The following PIP4K2A variants were observed in gnomAD, a reference collection of about 807,000 sequenced individuals.
PIP4K2A encodes the protein phosphatidylinositol-5-phosphate 4-kinase type 2 alpha.
In PIP4K2A, 14 loss-of-function variants were observed where a neutral mutation model predicts 42.9. The observed-to-expected ratio is 0.33, with a 90% confidence interval of 0.22 to 0.51. PIP4K2A has a LOEUF of 0.51. Among genes scored for constraint, PIP4K2A ranks in the 20% least tolerant of loss-of-function variants. The probability of loss-of-function intolerance (pLI) is 0.97; values close to 1 mark genes in which losing one functional copy is unlikely to be tolerated. For synonymous variants in PIP4K2A, 192 were observed against 192.2 expected, an observed-to-expected ratio of 1.00 and a Z score of 0.01; for missense variants, 434 against 519.8, an observed-to-expected ratio of 0.83 and a Z score of 1.61.
intron 4 of PIP4K2A, among the ~76,000 whole-genome samples, chr10:22,581,691 A>G (rs1224623908): frequency 6.6e-6 from 1 of 152,078 alleles, no homozygotes; most frequent in African/African-American, 2.4e-5. Context: ...ACCACATAAT[A>G]GCTTCCGTTA....
At chr10:22,577,159 G>A (rs550204510) in intron 4 of PIP4K2A, among the ~76,000 whole-genome samples, 1 of 151,574 alleles carries the variant, frequency 6.6e-6, no homozygotes, top group Admixed American at 6.6e-5. Flanking sequence ...CTGGTACCAT[G>A]AGCGGTGCTG....
intron 1 of PIP4K2A, among the ~76,000 whole-genome samples, chr10:22,652,627 G>A (rs1216123371): frequency 6.6e-6 from 1 of 152,104 alleles, no homozygotes; most frequent in Non-Finnish European, 1.5e-5. Context: ...TTTAAAATAC[G>A]CAAATGTGTA....
At chr10:22,664,613 A>G (rs1014871513) in intron 1 of PIP4K2A, among the ~76,000 whole-genome samples, 6 of 151,868 alleles carry the variant, frequency 4.0e-5, no homozygotes, top group Non-Finnish European at 2.9e-5. Flanking sequence ...TTTGTTTTCT[A>G]TTTGGTATAT....
intron 1 of PIP4K2A, among the ~76,000 whole-genome samples, chr10:22,710,063 CAAAAA>C (rs34126375): frequency 1.6e-5 from 2 of 124,688 alleles, no homozygotes; most frequent in African/African-American, 2.9e-5. Context: ...ACCCATGAAC[CAAAAA>C]AAAAAAAAAA....
At chr10:22,700,560 C>G (rs1264157202) in intron 1 of PIP4K2A, among the ~76,000 whole-genome samples, 5 of 152,168 alleles carry the variant, frequency 3.3e-5, no homozygotes, top group Non-Finnish European at 7.3e-5. Context: ...AGAAAATGAG[C>G]CTCCTCTGTG....
rs1377273077 is a variant in PIP4K2A, at chr10:22,694,980, A to G, written c.144+19203T>C. ...AATCACCAGTTAGAAAGCACAGTCA[A>G]CAATGCACTTCACCCATTTGGATCC... On this transcript the variant is annotated intron_variant, in intron 1 of 9. Coordinates refer to ENST00000376573, the MANE Select transcript of PIP4K2A (RefSeq NM_005028.5). Among the ~76,000 whole-genome samples the G allele has an allele frequency of 3.3e-5, 5 of 152,342 alleles. No individual in the cohort carries two copies. In the East Asian group the frequency reaches 9.6e-4, roughly 29 times the overall value.
At chr10:22,678,508 T>TAAA (rs1263547767) in intron 1 of PIP4K2A, among the ~76,000 whole-genome samples, 1 of 151,816 alleles carries the variant, frequency 6.6e-6, no homozygotes, top group African/African-American at 2.4e-5. Flanking sequence ...TTGAAGACAG[T>TAAA]AAAAAATAAA....
chr10:22,567,945 G>A lies in PIP4K2A; in HGVS notation c.640-56C>T, dbSNP rs192261033. ...GCATGGGAGGCATTGGGTTTCACACGCAGAAAATATGAAAATGGCTCCAGG... is the reference window on the plus strand; with the variant it reads ...GCATGGGAGGCATTGGGTTTCACACACAGAAAATATGAAAATGGCTCCAGG... On this transcript the variant is annotated intron_variant, in intron 5 of 9. Coordinates refer to ENST00000376573, the MANE Select transcript of PIP4K2A (RefSeq NM_005028.5). 1.3e-5 allele frequency: 20 copies of A among 1,481,596 alleles called. No individual in the cohort carries two copies. In the Middle Eastern group the frequency reaches 5.1e-4, roughly 38 times the overall value. The allele number at this position is 1,481,596 out of a possible 1,614,324, so 91.8% of individuals were successfully genotyped here.
At chr10:22,568,756 C>CCG (rs1836909448) in intron 5 of PIP4K2A, among the ~76,000 whole-genome samples, 1 of 152,138 alleles carries the variant, frequency 6.6e-6, no homozygotes, top group Admixed American at 6.5e-5. Flanking sequence ...AAAAGAAAAG[C>CCG]TGGGAAACAA....
chr10:22,599,528 C>T (rs1344578972), intron 3 of PIP4K2A, among the ~76,000 whole-genome samples: 5 of 152,230 alleles, frequency 3.3e-5, no homozygotes, highest in African/African-American at 1.2e-4. Context: ...GCTCTCTACT[C>T]AGGCCAGCAC....
chr10:22,625,597 C>CGGTG lies in PIP4K2A; in HGVS notation c.145-15884_145-15881dup, dbSNP rs373842324. On this transcript the variant is annotated intron_variant, in intron 1 of 9. Transcript: ENST00000376573. ...AGGGATGAGGAAACAGGATATTTGG[C>CGGTG]GGTGGGCTTTGGAGTTAAAAAAACA... is the stretch of plus-strand genomic sequence containing the variant. Among the ~76,000 whole-genome samples, 311 of 152,142 alleles carry CGGTG rather than the reference C, an allele frequency of 2.0e-3. 1 individual carries two copies. The highest frequency in any genetic ancestry group is 6.9e-3 in the African/African-American group (286 of 41,494).
At chr10:22,606,693 T>C (rs971123545) in intron 3 of PIP4K2A, among the ~76,000 whole-genome samples, 1 of 152,220 alleles carries the variant, frequency 6.6e-6, no homozygotes, top group African/African-American at 2.4e-5. Context: ...GTAAGCTGTA[T>C]CAGTACTCAA....
chr10:22,640,607 T>C (rs1409744921), intron 1 of PIP4K2A, among the ~76,000 whole-genome samples: 1 of 152,228 alleles, frequency 6.6e-6, no homozygotes, highest in Non-Finnish European at 1.5e-5. Context: ...GGGGATTGCC[T>C]GTCCTCTGTG....
chr10:22,671,417 T>C lies in PIP4K2A; in HGVS notation c.144+42766A>G, dbSNP rs1050258299. Among the ~76,000 whole-genome samples the C allele has an allele frequency of 9.2e-5, 14 of 152,270 alleles. No homozygotes were observed. In the South Asian group the frequency reaches 2.9e-3, roughly 32 times the overall value. On this transcript the variant is annotated intron_variant, in intron 1 of 9. Coordinates refer to ENST00000376573, the MANE Select transcript of PIP4K2A (RefSeq NM_005028.5). ...ATGACTTGCTCTGGTCAGCCACTGC[T>C]CCGAGGAGTTTGCCTAAACCGTTTC... is the stretch of plus-strand genomic sequence containing the variant.
At chr10:22,609,363 T>C (rs1461460338) in intron 2 of PIP4K2A, among the ~76,000 whole-genome samples, 1 of 152,238 alleles carries the variant, frequency 6.6e-6, no homozygotes, top group Non-Finnish European at 1.5e-5. Flanking sequence ...CTTCAAAAAT[T>C]TGAATTATAA....
intron 4 of PIP4K2A, among the ~76,000 whole-genome samples, chr10:22,576,988 G>C (rs1837138856): frequency 6.8e-6 from 1 of 147,812 alleles, no homozygotes; most frequent in African/African-American, 2.5e-5. Context: ...TGAGGCAGGA[G>C]AATCGTTTGA....
At position 22,591,698 on chromosome 10, in the gene PIP4K2A, T is replaced by C; in HGVS notation, c.423A>G (p.Arg141=). The change falls in exon 4 of 10, where the codon AGA becomes AGG. Residue 141 remains arginine, a synonymous_variant. Coordinates refer to ENST00000376573, the MANE Select transcript of PIP4K2A (RefSeq NM_005028.5). The part of the protein sequence containing the change: ...GARFHTSYDK[R]YIIKTITSED... ...CACTGGTAATAGTCTTGATGATGTA[T>C]CTTTTGTCGTAGGAAGTGTGAAAAC... The C allele has an allele frequency of 6.2e-7, 1 of 1,613,734 alleles. No individual in the cohort carries two copies. Among genetic ancestry groups the C allele is most frequent in the Non-Finnish European group, 8.5e-7 (1 of 1,179,732 alleles).
intron 1 of PIP4K2A, among the ~76,000 whole-genome samples, chr10:22,620,031 A>G (rs1838285347): frequency 6.6e-6 from 1 of 152,240 alleles, no homozygotes; most frequent in Admixed American, 6.5e-5. Flanking sequence ...CATTAAGTCA[A>G]TCTTTTGATT....
intron 7 of PIP4K2A, among the ~76,000 whole-genome samples, chr10:22,549,672 T>A (rs1836349206): frequency 1.3e-5 from 2 of 151,542 alleles, no homozygotes; most frequent in African/African-American, 4.8e-5. Flanking sequence ...AAACCCCGTC[T>A]CTAATAAAAA....
Sources: allele counts gnomAD v4.1 joint callset (sites outside exome capture counted in the v4.1 genomes callset), GRCh38; gene constraint gnomAD v4.1.1; transcripts MANE v1.5; gene names NCBI Gene and HGNC (gene_info 2026-07-23, HGNC 2026-07-21).